Variants in NALF1 observed in about 807,000 individuals in gnomAD.
NALF1 encodes the protein NALCN channel auxiliary factor 1.
In NALF1, 3 loss-of-function variants were observed where a neutral mutation model predicts 48.4. The observed-to-expected ratio is 0.06, with a 90% CI of 0.03 to 0.16. The LOEUF is 0.16. Among genes scored for constraint, NALF1 ranks in the 10% least tolerant of loss-of-function variants. NALF1 has a pLI of 1.00. For synonymous variants in NALF1, 262 were observed against 245.7 expected (o/e 1.07, Z -0.62); for missense variants, 526 against 571.5 (o/e 0.92, Z 0.81).
chr13:107,843,741 G>A (rs976497720), intron 1 of NALF1, among the ~76,000 whole-genome samples: 1 of 152,048 alleles, frequency 6.6e-6, no homozygotes, highest in Non-Finnish European at 1.5e-5. Context: ...AGGCCAGAAT[G>A]ACCAAAAATC....
At chr13:107,863,337 A>G (rs558119863) in intron 1 of NALF1, among the ~76,000 whole-genome samples, 3 of 152,272 alleles carry the variant, frequency 2.0e-5, no homozygotes, top group Admixed American at 6.5e-5. Context: ...AAGAGAAAAT[A>G]TATGTTAAAC....
intron 1 of NALF1, among the ~76,000 whole-genome samples, chr13:107,326,174 G>A (rs1371007243): frequency 1.3e-5 from 2 of 151,784 alleles, no homozygotes; most frequent in South Asian, 2.1e-4. Flanking sequence ...GCTGGGATTG[G>A]AGTCCCACCT....
At chr13:107,746,951 G>A (rs1594241484) in intron 1 of NALF1, among the ~76,000 whole-genome samples, 2 of 152,168 alleles carry the variant, frequency 1.3e-5, no homozygotes, top group South Asian at 4.1e-4. Context: ...CTTAGAAGAA[G>A]ACACAAGGAG....
rs140641571 is a variant in NALF1, at chr13:107,786,956, A to G, written c.915+78726T>C. ...AGTGGGGACAATGGACGCCTGAGATATCTTCATTTCTGAAGTAAGAGCACT... is the reference window on the plus strand; with the variant it reads ...AGTGGGGACAATGGACGCCTGAGATGTCTTCATTTCTGAAGTAAGAGCACT... On this transcript the variant is annotated intron_variant, in intron 1 of 2. Coordinates refer to ENST00000375915, the MANE Select transcript of NALF1 (RefSeq NM_001080396.3). Among the ~76,000 whole-genome samples, 16 of 152,348 alleles carry G rather than the reference A, an allele frequency of 1.1e-4. No homozygotes were observed. The East Asian group carries it at 2.9e-3, about 28-fold the overall frequency.
chr13:107,761,002 GTT>G (rs1877246173), intron 1 of NALF1, among the ~76,000 whole-genome samples: 1 of 152,172 alleles, frequency 6.6e-6, no homozygotes, highest in South Asian at 2.1e-4. Context: ...CATTTGTTGA[GTT>G]TTCACTAACA....
chr13:107,407,722 A>G (rs1388695706), intron 1 of NALF1, among the ~76,000 whole-genome samples: 4 of 152,170 alleles, frequency 2.6e-5, no homozygotes, highest in Non-Finnish European at 5.9e-5. Flanking sequence ...TAGAGCTACC[A>G]TATGATCCAG....
intron 1 of NALF1, chr13:107,531,270 A>G (rs1876628172): frequency 5.9e-6 from 1 of 168,624 alleles, no homozygotes; most frequent in East Asian, 1.9e-4. Context: ...ACGGAGGCAG[A>G]TCCCTCATGA....
chr13:107,442,400 C>T (rs1884575283), intron 1 of NALF1, among the ~76,000 whole-genome samples: 1 of 152,176 alleles, frequency 6.6e-6, no homozygotes, highest in African/African-American at 2.4e-5. Flanking sequence ...ACCAGCTTTG[C>T]CAATTCACTT....
chr13:107,624,722 C>A (rs1008352059), intron 1 of NALF1, among the ~76,000 whole-genome samples: 1 of 152,206 alleles, frequency 6.6e-6, no homozygotes, highest in Non-Finnish European at 1.5e-5. Flanking sequence ...ATAGCAACGG[C>A]CTTTGCCATG....
At chr13:107,667,415 A>C (rs2138482620) in intron 1 of NALF1, among the ~76,000 whole-genome samples, 1 of 152,206 alleles carries the variant, frequency 6.6e-6, no homozygotes, top group South Asian at 2.1e-4. Context: ...ACAAGTCAAA[A>C]GGAAAAGAGG....
At chr13:107,824,694 C>G (rs1285735386) in intron 1 of NALF1, among the ~76,000 whole-genome samples, 1 of 152,204 alleles carries the variant, frequency 6.6e-6, no homozygotes, top group Non-Finnish European at 1.5e-5. Flanking sequence ...TCTGTCTATA[C>G]AAATACAGGT....
chr13:107,797,228 C>T (rs776372917), intron 1 of NALF1, among the ~76,000 whole-genome samples: 11 of 152,022 alleles, frequency 7.2e-5, no homozygotes, highest in African/African-American at 2.2e-4. Flanking sequence ...TCTTTTGAGA[C>T]GGAGTCTCGC....
chr13:107,470,364 A>G (rs972955203), intron 1 of NALF1, among the ~76,000 whole-genome samples: 1 of 152,228 alleles, frequency 6.6e-6, no homozygotes, highest in African/African-American at 2.4e-5. Flanking sequence ...GGCAGAACAT[A>G]AGTCTCATCT....
intron 1 of NALF1, among the ~76,000 whole-genome samples, chr13:107,215,551 G>C (rs1242607374): frequency 2.0e-5 from 3 of 152,136 alleles, no homozygotes; most frequent in Non-Finnish European, 4.4e-5. Flanking sequence ...AGCCTCCGGA[G>C]ACAGACCGAG....
chr13:107,187,992 TTTCA>T (rs1232719390), intron 2 of NALF1, among the ~76,000 whole-genome samples: 2 of 152,198 alleles, frequency 1.3e-5, no homozygotes, highest in Non-Finnish European at 2.9e-5. Context: ...TTTTATGGTT[TTTCA>T]TTCAATCATA....
At chr13:107,416,174 ATTTTT>A (rs369522653) in intron 1 of NALF1, among the ~76,000 whole-genome samples, 1 of 143,682 alleles carries the variant, frequency 7.0e-6, no homozygotes, top group Admixed American at 6.9e-5. Context: ...GCCCGGCTAA[ATTTTT>A]TTTTTTTTTG....
intron 1 of NALF1, among the ~76,000 whole-genome samples, chr13:107,597,508 G>A (rs970107313): frequency 7.2e-5 from 11 of 152,020 alleles, no homozygotes; most frequent in Admixed American, 3.9e-4. Context: ...AGGTCTAACC[G>A]AGACTATCAA....
intron 1 of NALF1, among the ~76,000 whole-genome samples, chr13:107,686,000 T>C (rs1881424579): frequency 6.6e-6 from 1 of 152,124 alleles, no homozygotes; most frequent in Non-Finnish European, 1.5e-5. Flanking sequence ...GATGGTGCCA[T>C]GAAGAACATA....
chr13:107,761,783 A>G (rs1172266886), intron 1 of NALF1, among the ~76,000 whole-genome samples: 1 of 152,212 alleles, frequency 6.6e-6, no homozygotes, highest in African/African-American at 2.4e-5. Context: ...CCTGATTCCA[A>G]TAGTGGTTCT....
Sources: gnomAD v4.1 joint callset for allele counts (sites outside exome capture counted in the v4.1 genomes callset) on GRCh38, gnomAD v4.1.1 for gene constraint, MANE v1.5 for transcripts, NCBI Gene and HGNC (gene_info 2026-07-23, HGNC 2026-07-21) for gene names.